Variants in PKD1L3 observed in about 807,000 individuals in gnomAD.
The protein encoded by PKD1L3 is polycystin-1-like protein 3.
A neutral mutation model predicts 184.1 loss-of-function variants in PKD1L3; 239 were observed. The ratio of observed to expected loss-of-function variants is 1.30; its 90% CI spans 1.17 to 1.45. The LOEUF is 1.45. Among genes scored for constraint, PKD1L3 ranks in the 40% most tolerant of loss-of-function variants. PKD1L3 has a pLI of 0.00. For synonymous variants in PKD1L3, 996 were observed against 778.8 expected (o/e 1.28, Z -4.64); for missense variants, 2,660 against 2,067.2 (o/e 1.29, Z -5.56).
chr16:71,930,522 A>T (rs1032441393), intron 28 of PKD1L3: 1 of 178,414 alleles, frequency 5.6e-6, no homozygotes, highest in African/African-American at 2.4e-5. Context: ...GTAAGCAAAC[A>T]CTGAAAGATT....
chr16:71,948,064 A>G (rs1751085248), intron 21 of PKD1L3, among the ~76,000 whole-genome samples: 1 of 151,758 alleles, frequency 6.6e-6, no homozygotes, highest in Non-Finnish European at 1.5e-5. Flanking sequence ...CTACAGGTGC[A>G]TACCACACCC....
intron 5 of PKD1L3, 50 bp downstream of exon 5, chr16:71,986,171 A>C: frequency 3.9e-6 from 6 of 1,541,572 alleles, no homozygotes; most frequent in Non-Finnish European, 5.3e-6. Flanking sequence ...TGAACCAAGT[A>C]CTTTTTGGGG....
chr16:71,981,908 C>T lies in PKD1L3; in HGVS notation c.1143+151G>A, dbSNP rs558966179. On this transcript the variant is annotated intron_variant, in intron 7 of 29. Coordinates refer to ENST00000620267, the MANE Select transcript of PKD1L3 (RefSeq NM_181536.2). The stretch of plus-strand genomic sequence containing the variant: ...CTCACTGGTGGGGTGGGGAGGGAGA[C>T]CTTGGAGAAGGCATGGCAGAGGAGT... 12 of 836,052 alleles carry T rather than the reference C, an allele frequency of 1.4e-5. No individual in the cohort carries two copies. In the African/African-American group the frequency reaches 2.1e-4, roughly 15 times the overall value. 51.8% of individuals were successfully genotyped at this position (836,052 alleles called of 1,614,324 possible).
chr16:71,937,775 A>G (rs1224061799), intron 24 of PKD1L3, among the ~76,000 whole-genome samples: 1 of 152,210 alleles, frequency 6.6e-6, no homozygotes, highest in Non-Finnish European at 1.5e-5. Flanking sequence ...TACTAACGGT[A>G]TCCCATGGAT....
chr16:71,930,165 CT>C lies in PKD1L3; in HGVS notation c.4944del (p.Val1649SerfsTer6), dbSNP rs2037885439. 1 of 1,549,144 alleles carries C rather than the reference CT, an allele frequency of 6.5e-7. No homozygotes were observed. The highest frequency in any genetic ancestry group is 1.4e-5 in the African/African-American group (1 of 72,836). ...SHQEEVFALD[P>X]VLGTFLILTS... ...GTGAGGATCAGAAAGGTGCCCAGGA[CT>C]GGGTCTAAAGCGAAAACCTGGGAAA... On this transcript the variant is annotated frameshift_variant, in exon 29 of 30. Transcript: ENST00000620267. LOFTEE classifies it high-confidence loss of function.
intron 15 of PKD1L3, among the ~76,000 whole-genome samples, chr16:71,965,030 T>G (rs993541021): frequency 5.9e-5 from 9 of 151,898 alleles, no homozygotes; most frequent in Non-Finnish European, 1.2e-4. Flanking sequence ...TATTTTTTTG[T>G]AGAGACAGAA....
rs1205047853 is a variant in PKD1L3, at chr16:71,951,758, C to G, written c.3010-14G>C. ...TTCCTTTAATTCCTGAATGTAGGAC[C>G]AGATGAGAAAAATCAGCCTGTTTTT... is the stretch of plus-strand genomic sequence containing the variant. On this transcript the variant is annotated splice_polypyrimidine_tract_variant and intron_variant, in intron 18 of 29. Transcript: ENST00000620267. The G allele has an allele frequency of 1.3e-6, 2 of 1,539,904 alleles. No individual in the cohort carries two copies. The highest frequency in any genetic ancestry group is 1.8e-6 in the Non-Finnish European group (2 of 1,140,990).
In PKD1L3 at chr16:71,946,583, G is replaced by C. The variant is rs577635519; in HGVS notation, c.3718+909C>G. 4.6e-5 allele frequency among the ~76,000 whole-genome samples: 7 copies of C among 151,790 alleles called. No individual in the cohort carries two copies. In the South Asian group the frequency reaches 1.3e-3, roughly 27 times the overall value. ...GGCCAGTTAGCCTTAGCCAGTTAGA[G>C]GGTAGGCACTCTCCAGCATGGTGAC... On this transcript the variant is annotated intron_variant, in intron 22 of 29. Coordinates refer to ENST00000620267, the MANE Select transcript of PKD1L3 (RefSeq NM_181536.2).
At chr16:71,991,870 T>C (rs1012640262) in intron 3 of PKD1L3, among the ~76,000 whole-genome samples, 7 of 152,134 alleles carry the variant, frequency 4.6e-5, no homozygotes, top group Non-Finnish European at 5.9e-5. Flanking sequence ...ATGCCTGGAG[T>C]GCGGTATGGC....
intron 9 of PKD1L3, among the ~76,000 whole-genome samples, chr16:71,979,471 C>CAAAACAAAACAAAACAAGAT (rs2040065574): frequency 8.1e-6 from 1 of 123,292 alleles, no homozygotes; most frequent in South Asian, 2.4e-4. Context: ...CAAAACAAGA[C>CAAAACAAAACAAAACAAGAT]AAAACAAAAC....
Position 71,930,177 on chromosome 16 carries a change from C to A in PKD1L3, c.4933G>T (p.Ala1645Ser). The change falls in exon 29 of 30, where the codon GCT (alanine) becomes TCT (serine). Residue 1645 changes from alanine (A) to serine (S), a missense_variant. Physicochemically the swap from Ala to Ser is moderately conservative, Grantham distance 99 (BLOSUM62 1). Transcript: ENST00000620267. ...AAGGTGCCCAGGACTGGGTCTAAAG[C>A]GAAAACCTGGGAAAACAATAAGAAC... is the stretch of plus-strand genomic sequence containing the variant. ...MGISHQEEVFALDPVLGTFLI... is the reference protein window; with the variant it reads ...MGISHQEEVFSLDPVLGTFLI... The A allele has an allele frequency of 6.5e-6, 10 of 1,540,544 alleles. No homozygotes were observed. The highest frequency in any genetic ancestry group is 8.7e-6 in the Non-Finnish European group (10 of 1,142,858).
At chr16:71,997,751 A>AT (rs1189005745) in intron 2 of PKD1L3, among the ~76,000 whole-genome samples, 2 of 121,674 alleles carry the variant, frequency 1.6e-5, no homozygotes, top group Non-Finnish European at 3.4e-5. Flanking sequence ...TCAGTCTTGG[A>AT]AAAATAAATA....
intron 16 of PKD1L3, among the ~76,000 whole-genome samples, chr16:71,960,328 T>C (rs548103344): frequency 1.3e-5 from 2 of 152,284 alleles, no homozygotes; most frequent in East Asian, 1.9e-4. Context: ...ATTAAACTCA[T>C]GTATTAAAAG....
rs146743728 is a variant in PKD1L3, at chr16:71,997,957, C to G, written c.418+315G>C. Among the ~76,000 whole-genome samples the G allele has an allele frequency of 3.3e-5, 5 of 152,220 alleles. No individual in the cohort carries two copies. In the East Asian group the frequency reaches 9.7e-4, roughly 29 times the overall value. On this transcript the variant is annotated intron_variant, in intron 2 of 29. Transcript: ENST00000620267. ...CTCTTTCCCATCCTTCCCTCTGAAG[C>G]CCAAATGCTGACTGAATTATGAGTG...
rs1390081955 is a variant in PKD1L3, at chr16:71,933,943, A to G, written c.4796T>C (p.Leu1599Pro). Residue 1599 changes from leucine (L) to proline (P), a missense_variant, in exon 27 of 30, where the codon CTA becomes CCA. Physicochemically the swap from Leu to Pro is moderately conservative, Grantham distance 98. Transcript: ENST00000620267. ...AATGGCATAGCCTGTCAGCAGGATT[A>G]GGATGATCAGCAGAAAGCCCACCAC... ...DEVVGFLLII[L>P]ILLTGYAIAF... is the part of the protein sequence containing the mutation. The G allele has an allele frequency of 3.2e-6, 5 of 1,551,408 alleles. No homozygotes were observed. The highest frequency in any genetic ancestry group is 3.5e-6 in the Non-Finnish European group (4 of 1,146,974).
intron 16 of PKD1L3, among the ~76,000 whole-genome samples, 194 bp downstream of exon 16, chr16:71,963,011 G>T (rs959991471): frequency 6.6e-6 from 1 of 151,970 alleles, no homozygotes. Flanking sequence ...TTTATACTTC[G>T]AATCTCTTTT....
In PKD1L3 at chr16:71,930,094, C is replaced by T. The variant is rs767359631; in HGVS notation, c.5016G>A (p.Ser1672=). ...CTTTTCCAAAGGCCATGAGAATGGC[C>T]GAAACGAAAAGATTAATTACCACAA... The part of the protein sequence containing the change: ...MVLVVINLFV[S]AILMAFGKER... Residue 1672 remains serine, a synonymous_variant, in exon 29 of 30, where the codon TCG becomes TCA. Transcript: ENST00000620267. 27 of 1,550,888 alleles carry T rather than the reference C, an allele frequency of 1.7e-5. No homozygotes were observed. Among genetic ancestry groups the T allele is most frequent in the East Asian group, 1.7e-4 (7 of 40,924 alleles).
At chr16:71,989,792 A>G (rs1383985878) in intron 4 of PKD1L3, among the ~76,000 whole-genome samples, 4 of 152,170 alleles carry the variant, frequency 2.6e-5, no homozygotes, top group Non-Finnish European at 4.4e-5. Context: ...AAAAATTCCA[A>G]GTTTGGAGGT....
At chr16:71,996,544 G>A (rs533548856) in intron 2 of PKD1L3, among the ~76,000 whole-genome samples, 3 of 152,264 alleles carry the variant, frequency 2.0e-5, no homozygotes, top group South Asian at 2.1e-4. Flanking sequence ...ACAGGCATGA[G>A]CCACTGTGCC....
Sources: allele counts gnomAD v4.1 joint callset (sites outside exome capture counted in the v4.1 genomes callset), GRCh38; gene constraint gnomAD v4.1.1; transcripts MANE v1.5; gene names NCBI Gene and HGNC (gene_info 2026-07-23, HGNC 2026-07-21).